PNLIPRP3: variants seen among roughly 807,000 people sequenced by gnomAD.
PNLIPRP3 encodes the protein pancreatic lipase related protein 3.
Under a neutral mutation model 52.8 loss-of-function variants are expected in PNLIPRP3, and 58 were observed. The observed-to-expected ratio is 1.10, with a 90% CI of 0.89 to 1.37. The LOEUF is 1.37. PNLIPRP3 is among the 40% of genes most tolerant of loss of function. The pLI, the probability that PNLIPRP3 is intolerant of heterozygous loss-of-function variation, is 0.00. For missense variants in PNLIPRP3, 593 were observed against 561.6 expected (o/e 1.06, Z -0.57); for synonymous variants, 192 against 185.0 (o/e 1.04, Z -0.31).
In PNLIPRP3 at chr10:116,443,182, A is replaced by G; in HGVS notation, c.324+8A>G. The G allele has an allele frequency of 6.2e-7, 1 of 1,605,556 alleles. No homozygotes were observed. Among genetic ancestry groups the G allele is most frequent in the South Asian group, 1.1e-5 (1 of 89,468 alleles). ...CAGAGAGACATGTGCAATGTATGACATGAATAAGCTCCTTTTTACACTAGC... is the reference window on the plus strand; with the variant it reads ...CAGAGAGACATGTGCAATGTATGACGTGAATAAGCTCCTTTTTACACTAGC... On this transcript the variant is annotated splice_region_variant and intron_variant, in intron 3 of 11. Transcript: ENST00000369230.
intron 7 of PNLIPRP3, among the ~76,000 whole-genome samples, chr10:116,462,550 T>C (rs1446775330): frequency 6.6e-6 from 1 of 152,080 alleles, no homozygotes; most frequent in Non-Finnish European, 1.5e-5. Context: ...GAAAATGTGA[T>C]CAGAAGTATA....
intron 4 of PNLIPRP3, among the ~76,000 whole-genome samples, chr10:116,455,308 G>C (rs1313138345): frequency 1.3e-5 from 2 of 150,864 alleles, no homozygotes; most frequent in East Asian, 2.0e-4. Flanking sequence ...ACATTTTCTA[G>C]TGTTGCCTTA....
intron 2 of PNLIPRP3, 137 bp from the exon 3 acceptor site, chr10:116,442,914 CTATT>C (rs1845878144): frequency 6.2e-6 from 3 of 480,578 alleles, no homozygotes; most frequent in African/African-American, 6.1e-5. Flanking sequence ...GTAGCCATAA[CTATT>C]TAGTAAAAAT....
intron 5 of PNLIPRP3, among the ~76,000 whole-genome samples, chr10:116,459,183 T>C (rs959746029): frequency 1.3e-5 from 2 of 152,008 alleles, no homozygotes; most frequent in African/African-American, 2.4e-5. Context: ...TGCCTTTGCC[T>C]ATCTGTTCAT....
intron 2 of PNLIPRP3, among the ~76,000 whole-genome samples, chr10:116,437,384 G>A (rs774565107): frequency 6.6e-6 from 1 of 152,132 alleles, no homozygotes; most frequent in Non-Finnish European, 1.5e-5. Context: ...TATTTGAGGT[G>A]TATCCTGCAG....
intron 1 of PNLIPRP3, among the ~76,000 whole-genome samples, chr10:116,435,547 G>A (rs1466920271): frequency 2.0e-5 from 3 of 152,110 alleles, no homozygotes; most frequent in African/African-American, 7.2e-5. Flanking sequence ...GGGTTATTGA[G>A]CTGTTATCTC....
intron 5 of PNLIPRP3, among the ~76,000 whole-genome samples, chr10:116,460,523 A>G (rs1022514448): frequency 6.6e-6 from 1 of 152,204 alleles, no homozygotes; most frequent in African/African-American, 2.4e-5. Flanking sequence ...TGAAAGTAGA[A>G]CTAAGTGAGC....
rs770390591 is a variant in PNLIPRP3 at position 116,477,082 on chromosome 10, A to C, written c.1341-8A>C. On this transcript the variant is annotated splice_polypyrimidine_tract_variant and splice_region_variant and intron_variant, in intron 11 of 11. Coordinates refer to ENST00000369230, the MANE Select transcript of PNLIPRP3 (RefSeq NM_001011709.3). ...AAATTCCTTTTTTTTTTCCTTAAAA[A>C]CTTTCAGATCTACCTTCTGTAGCCA... 6.4e-7 allele frequency: 1 copy of C among 1,574,498 alleles called. No individual in the cohort carries two copies. The highest frequency in any genetic ancestry group is 8.6e-7 in the Non-Finnish European group (1 of 1,156,732).
At chr10:116,460,638 C>T (rs529951002) in intron 5 of PNLIPRP3, among the ~76,000 whole-genome samples, 1 of 152,196 alleles carries the variant, frequency 6.6e-6, no homozygotes, top group African/African-American at 2.4e-5. Context: ...AATTTTTTGC[C>T]TACAAATGTT....
chr10:116,442,698 TA>T (rs1261709360), intron 2 of PNLIPRP3, among the ~76,000 whole-genome samples: 2 of 151,940 alleles, frequency 1.3e-5, no homozygotes, highest in East Asian at 3.9e-4. Context: ...ACCCTGTCTC[TA>T]AAAAAATTGT....
chr10:116,447,117 C>T (rs1845964258), intron 4 of PNLIPRP3, among the ~76,000 whole-genome samples: 1 of 152,192 alleles, frequency 6.6e-6, no homozygotes, highest in African/African-American at 2.4e-5. Context: ...ATCCCATGTT[C>T]TCCTTGGGAG....
chr10:116,437,258 C>T (rs942771885), intron 2 of PNLIPRP3, among the ~76,000 whole-genome samples: 1 of 152,134 alleles, frequency 6.6e-6, no homozygotes, highest in Non-Finnish European at 1.5e-5. Flanking sequence ...ACCTTTCTTG[C>T]AACACAAATT....
In PNLIPRP3 at chr10:116,436,984, C is replaced by G. The variant is rs191032546; in HGVS notation, c.204+119C>G. 1,114 of 1,042,084 alleles carry G rather than the reference C, an allele frequency of 1.1e-3. 9 individuals are homozygous for G. In the African/African-American group the frequency reaches 0.016, roughly 15 times the overall value. The allele number at this position is 1,042,084 out of a possible 1,614,324, so 64.6% of individuals were successfully genotyped here. A position where few individuals can be genotyped will look rare whatever the true frequency, so the allele number is the denominator to read the frequency against. ...CATATGCTATTGACTTAAATGCAAA[C>G]ATTTCTTTTCAGTATTATGAGTCAG... On this transcript the variant is annotated intron_variant, in intron 2 of 11. Coordinates refer to ENST00000369230, the MANE Select transcript of PNLIPRP3 (RefSeq NM_001011709.3).
At chr10:116,457,104 T>C (rs1465828216) in intron 5 of PNLIPRP3, among the ~76,000 whole-genome samples, 1 of 152,262 alleles carries the variant, frequency 6.6e-6, no homozygotes, top group Non-Finnish European at 1.5e-5. Context: ...GAGCATTCAC[T>C]GTCCATTTGT....
intron 10 of PNLIPRP3, among the ~76,000 whole-genome samples, chr10:116,473,295 C>T (rs1316690560): frequency 6.6e-6 from 1 of 152,302 alleles, no homozygotes; most frequent in East Asian, 1.9e-4. Context: ...ATAAGTCCAG[C>T]TTCTCCATGC....
At chr10:116,456,426 TCAAA>T (rs1340243464) in intron 5 of PNLIPRP3, among the ~76,000 whole-genome samples, 2 of 152,186 alleles carry the variant, frequency 1.3e-5, no homozygotes, top group Non-Finnish European at 2.9e-5. Flanking sequence ...TATACATGTC[TCAAA>T]ATACCACATG....
intron 4 of PNLIPRP3, among the ~76,000 whole-genome samples, chr10:116,447,519 C>T (rs961263200): frequency 6.6e-6 from 1 of 152,080 alleles, no homozygotes. Flanking sequence ...AGAATTCCAA[C>T]TAACCATCAT....
intron 1 of PNLIPRP3, among the ~76,000 whole-genome samples, chr10:116,434,050 T>A (rs1375280627): frequency 6.6e-6 from 1 of 152,212 alleles, no homozygotes; most frequent in East Asian, 1.9e-4. Context: ...AAGTCTTCAT[T>A]TTTTCACATG....
chr10:116,443,227 C>T (rs1263990096), intron 3 of PNLIPRP3, 53 bp downstream of exon 3: 9 of 1,539,838 alleles, frequency 5.8e-6, no homozygotes, highest in South Asian at 1.3e-5. Flanking sequence ...TTATGTTTAA[C>T]ATGAATGTAC....
Sources: gnomAD v4.1 joint callset for allele counts (sites outside exome capture counted in the v4.1 genomes callset) on GRCh38, gnomAD v4.1.1 for gene constraint, MANE v1.5 for transcripts, NCBI Gene and HGNC (gene_info 2026-07-23, HGNC 2026-07-21) for gene names.